DCDC1: variants seen among roughly 807,000 people sequenced by gnomAD.
DCDC1 encodes the protein doublecortin domain containing 1, also known as doublecortin domain-containing protein 1.
In DCDC1, 200 loss-of-function variants were observed where a neutral mutation model predicts 178.3. That is an observed-to-expected ratio of 1.12 (90% CI 1.00 to 1.26). The LOEUF (loss-of-function observed/expected upper bound fraction) is 1.26. Among genes scored for constraint, DCDC1 ranks in the 50% most tolerant of loss-of-function variants. The pLI is 0.00. For synonymous variants in DCDC1, 690 were observed against 604.8 expected (o/e 1.14, Z -2.07); for missense variants, 1,983 against 1,749.2 (o/e 1.13, Z -2.38).
intron 9 of DCDC1, among the ~76,000 whole-genome samples, chr11:31,201,133 G>A (rs965935351): frequency 6.6e-6 from 1 of 151,926 alleles, no homozygotes; most frequent in African/African-American, 2.4e-5. Flanking sequence ...TGTGAACTTA[G>A]AGGGTATTTA....
At chr11:31,158,264 A>G (rs1591259678) in intron 9 of DCDC1, among the ~76,000 whole-genome samples, 1 of 149,318 alleles carries the variant, frequency 6.7e-6, no homozygotes, top group Admixed American at 6.7e-5. Flanking sequence ...ACCCGCCATC[A>G]CGCCCGGCTA....
intron 9 of DCDC1, among the ~76,000 whole-genome samples, chr11:31,191,858 C>G (rs1970171942): frequency 6.6e-6 from 1 of 151,934 alleles, no homozygotes; most frequent in African/African-American, 2.4e-5. Flanking sequence ...TATCATGCCT[C>G]TTACACTCTA....
At chr11:31,100,695 G>C (rs1216738810) in intron 15 of DCDC1, among the ~76,000 whole-genome samples, 1 of 152,174 alleles carries the variant, frequency 6.6e-6, no homozygotes, top group African/African-American at 2.4e-5. Flanking sequence ...AGAGCAAGAG[G>C]AGAAAATTGG....
intron 20 of DCDC1, among the ~76,000 whole-genome samples, chr11:30,970,261 G>A (rs1029465284): frequency 2.6e-5 from 4 of 152,144 alleles, no homozygotes; most frequent in Admixed American, 2.0e-4. Context: ...TTCAGAGAGA[G>A]AGAGCTCATG....
intron 20 of DCDC1, among the ~76,000 whole-genome samples, chr11:31,044,699 G>C (rs577941391): frequency 8.5e-5 from 13 of 152,254 alleles, no homozygotes; most frequent in African/African-American, 3.1e-4. Flanking sequence ...CTTCCCCAGA[G>C]CATCCAGATA....
At chr11:31,214,070 T>C (rs1214864586) in intron 9 of DCDC1, among the ~76,000 whole-genome samples, 2 of 152,074 alleles carry the variant, frequency 1.3e-5, no homozygotes, top group South Asian at 2.1e-4. Flanking sequence ...ATAGGATAAT[T>C]GCTACATTTA....
chr11:31,076,245 T>G (rs1956858668), intron 18 of DCDC1, among the ~76,000 whole-genome samples: 1 of 152,222 alleles, frequency 6.6e-6, no homozygotes, highest in Non-Finnish European at 1.5e-5. Flanking sequence ...CTGAGATTCT[T>G]TCTTCTTCTT....
intron 9 of DCDC1, among the ~76,000 whole-genome samples, chr11:31,160,556 A>T (rs1193731019): frequency 2.0e-5 from 3 of 152,108 alleles, no homozygotes; most frequent in Non-Finnish European, 4.4e-5. Flanking sequence ...TTATTAAAAG[A>T]GTACTCCTGA....
chr11:31,036,962 T>G (rs929917715), intron 20 of DCDC1, among the ~76,000 whole-genome samples: 9 of 152,268 alleles, frequency 5.9e-5, no homozygotes, highest in African/African-American at 1.9e-4. Context: ...TATGGAAAAC[T>G]GAGAGATAGA....
At chr11:31,273,695 A>G (rs1015913537) in intron 7 of DCDC1, among the ~76,000 whole-genome samples, 2 of 152,158 alleles carry the variant, frequency 1.3e-5, no homozygotes, top group Non-Finnish European at 2.9e-5. Context: ...ATTTTCAGGT[A>G]TCTACAGCAG....
At chr11:31,275,078 A>T (rs768721986) in intron 7 of DCDC1, among the ~76,000 whole-genome samples, 3 of 152,196 alleles carry the variant, frequency 2.0e-5, no homozygotes, top group Non-Finnish European at 4.4e-5. Context: ...GCTCACCACC[A>T]TATCCAGGTA....
intron 20 of DCDC1, among the ~76,000 whole-genome samples, chr11:30,977,046 G>C (rs1303169152): frequency 6.6e-6 from 1 of 152,104 alleles, no homozygotes; most frequent in Non-Finnish European, 1.5e-5. Flanking sequence ...GATGAAACTA[G>C]AGGTCATTAT....
intron 9 of DCDC1, among the ~76,000 whole-genome samples, chr11:31,188,054 C>T (rs952108798): frequency 6.6e-6 from 1 of 152,012 alleles, no homozygotes; most frequent in Non-Finnish European, 1.5e-5. Flanking sequence ...GGATTCGAAC[C>T]TCTGAGCTCA....
intron 33 of DCDC1, 53 bp downstream of exon 33, chr11:30,900,291 ATT>A: frequency 7.2e-7 from 1 of 1,382,614 alleles, no homozygotes; most frequent in South Asian, 1.6e-5. Flanking sequence ...CATAAAATGT[ATT>A]TCTCTCTCCC....
At chr11:31,112,508 C>T (rs12785641) in intron 11 of DCDC1, among the ~76,000 whole-genome samples, 2,088 of 152,242 alleles carry the variant, frequency 0.014, 30 homozygotes, top group South Asian at 0.055. Context: ...GCCTCACCTC[C>T]CTATAGCTCT....
At chr11:30,968,768 AC>A (rs1949616787) in intron 20 of DCDC1, among the ~76,000 whole-genome samples, 1 of 113,752 alleles carries the variant, frequency 8.8e-6, no homozygotes, top group Non-Finnish European at 1.8e-5. Flanking sequence ...TCAGGCATCC[AC>A]TAGGGGTCTT....
intron 9 of DCDC1, among the ~76,000 whole-genome samples, chr11:31,209,621 A>G (rs1030220273): frequency 6.6e-6 from 1 of 152,268 alleles, no homozygotes; most frequent in Non-Finnish European, 1.5e-5. Context: ...CAGTTACTGC[A>G]TAGCAGATTT....
rs1221178937 is a variant in DCDC1, at chr11:31,306,351, G to A, written c.472C>T (p.Arg158Trp). The A allele has an allele frequency of 1.4e-5, 23 of 1,607,308 alleles. No homozygotes were observed. Among genetic ancestry groups the A allele is most frequent in the East Asian group, 9.0e-5 (4 of 44,506 alleles). The change falls in exon 5 of 39, where the codon CGG becomes TGG. Residue 158 changes from arginine to tryptophan, a missense_variant. Transcript: ENST00000684477. The part of the protein sequence containing the change: ...EFSSLKFQSA[R>W]NWQKLSQRHK... The stretch of plus-strand genomic sequence containing the variant: ...CTTTGAGACAATTTCTGCCAATTCC[G>A]GGCTGACTGAAATTTTAAAGAAGAG...
intron 8 of DCDC1, among the ~76,000 whole-genome samples, chr11:31,245,848 T>G (rs1943517104): frequency 6.6e-6 from 1 of 151,940 alleles, no homozygotes; most frequent in South Asian, 2.1e-4. Flanking sequence ...AATAAGAAAA[T>G]AAACTGTTCA....
Sources: allele counts gnomAD v4.1 joint callset (sites outside exome capture counted in the v4.1 genomes callset), GRCh38; gene constraint gnomAD v4.1.1; transcripts MANE v1.5; gene names NCBI Gene and HGNC (gene_info 2026-07-23, HGNC 2026-07-21).